SLIT2: variants seen among roughly 807,000 people sequenced by gnomAD.
SLIT2 encodes slit homolog 2 protein.
In SLIT2, 41 loss-of-function variants were observed where a neutral mutation model predicts 185.7. The ratio of observed to expected loss-of-function variants is 0.22; its 90% CI spans 0.17 to 0.29. The LOEUF is 0.29. Among genes scored for constraint, SLIT2 ranks in the 10% least tolerant of loss-of-function variants. SLIT2 has a pLI of 1.00. For synonymous variants in SLIT2, 693 were observed against 680.2 expected (o/e 1.02, Z -0.29); for missense variants, 1,571 against 1,909.0 (o/e 0.82, Z 3.30).
At chr4:20,402,823 C>A (rs1726466785) in intron 4 of SLIT2, among the ~76,000 whole-genome samples, 1 of 151,396 alleles carries the variant, frequency 6.6e-6, no homozygotes, top group South Asian at 2.1e-4. Context: ...TAGTATTAAA[C>A]AACAAAATAT....
At chr4:20,463,448 G>GATAGAT (rs1459962322) in intron 4 of SLIT2, among the ~76,000 whole-genome samples, 87 of 67,286 alleles carry the variant, frequency 1.3e-3, no homozygotes, top group African/African-American at 2.2e-3. Flanking sequence ...CTCAAACTGT[G>GATAGAT]ATATATATAT....
chr4:20,335,204 A>G (rs750464072), intron 4 of SLIT2, among the ~76,000 whole-genome samples: 11 of 152,100 alleles, frequency 7.2e-5, no homozygotes, highest in Non-Finnish European at 1.5e-4. Flanking sequence ...CAGCCAAACC[A>G]TATCAGGGAG....
At chr4:20,378,942 GGAGGGACCT>G (rs1724252069) in intron 4 of SLIT2, among the ~76,000 whole-genome samples, 1 of 152,106 alleles carries the variant, frequency 6.6e-6, no homozygotes, top group African/African-American at 2.4e-5. Context: ...GGAAAGACAT[GGAGGGACCT>G]TAAATGCATA....
chr4:20,592,761 T>C (rs1414124872), intron 30 of SLIT2, among the ~76,000 whole-genome samples: 1 of 152,174 alleles, frequency 6.6e-6, no homozygotes, highest in African/African-American at 2.4e-5. Flanking sequence ...TCGGGCCTTG[T>C]CCATCTCTTT....
chr4:20,567,839 A>T (rs1577940592), intron 28 of SLIT2, among the ~76,000 whole-genome samples: 1 of 152,210 alleles, frequency 6.6e-6, no homozygotes, highest in East Asian at 1.9e-4. Flanking sequence ...CTAATTTACA[A>T]ACATACACAT....
chr4:20,496,808 A>G (rs993693121), intron 9 of SLIT2, among the ~76,000 whole-genome samples: 7 of 152,190 alleles, frequency 4.6e-5, no homozygotes, highest in Non-Finnish European at 8.8e-5. Context: ...TTAAAAATTA[A>G]TCAGACATTT....
At position 20,257,742 on chromosome 4, in the gene SLIT2, A is replaced by T. The variant is rs189285337; in HGVS notation, c.252-126A>T. The T allele has an allele frequency of 2.1e-5, 14 of 668,772 alleles. No individual in the cohort carries two copies. The African/African-American group carries it at 2.2e-4, about 11-fold the overall frequency. The allele number at this position is 668,772 out of a possible 1,614,324, so 41.4% of individuals were successfully genotyped here. A position where few individuals can be genotyped will look rare whatever the true frequency, so the allele number is the denominator to read the frequency against. On this transcript the variant is annotated intron_variant, in intron 2 of 36. Coordinates refer to ENST00000504154, the MANE Select transcript of SLIT2 (RefSeq NM_004787.4). ...ATATTATTATTAAATTTGATATTGG[A>T]TCTCAAATCAGAGCACAATTTAACT... is the stretch of plus-strand genomic sequence containing the variant.
chr4:20,283,085 A>ATG (rs941164455), intron 4 of SLIT2, among the ~76,000 whole-genome samples: 5 of 150,692 alleles, frequency 3.3e-5, no homozygotes, highest in South Asian at 2.1e-4. Flanking sequence ...ATTTGTTTAT[A>ATG]TGTGTGTGTT....
chr4:20,486,237 G>T lies in SLIT2; in HGVS notation c.577G>T (p.Ala193Ser). The change falls in exon 7 of 37, where the codon GCA becomes TCA. Residue 193 changes from alanine to serine, a missense_variant. Physicochemically the swap from Ala to Ser is moderately conservative, Grantham distance 99 (BLOSUM62 1). Transcript: ENST00000504154. ...NNNNITRLSV[A>S]SFNHMPKLRT... ...TAACAACATTACTAGACTTTCTGTG[G>T]CAAGTTTCAACCATATGCCTAAACT... 6.2e-7 allele frequency: 1 copy of T among 1,605,438 alleles called. No individual in the cohort carries two copies. The highest frequency in any genetic ancestry group is 8.5e-7 in the Non-Finnish European group (1 of 1,172,578).
intron 9 of SLIT2, among the ~76,000 whole-genome samples, chr4:20,494,651 T>C (rs1718068116): frequency 6.6e-6 from 1 of 151,800 alleles, no homozygotes; most frequent in Non-Finnish European, 1.5e-5. Context: ...TGGTCGTGGA[T>C]GCCTGTAGTC....
chr4:20,295,699 T>A (rs1183295306), intron 4 of SLIT2, among the ~76,000 whole-genome samples: 37 of 152,200 alleles, frequency 2.4e-4, no homozygotes, highest in Admixed American at 2.4e-3. Flanking sequence ...TTTCAGGATT[T>A]CAAGGAAATA....
chr4:20,374,054 T>G (rs1398320158), intron 4 of SLIT2, among the ~76,000 whole-genome samples: 1 of 152,128 alleles, frequency 6.6e-6, no homozygotes, highest in African/African-American at 2.4e-5. Context: ...GTGTGAATCT[T>G]GGCTCAGCCA....
At chr4:20,343,486 T>A (rs990778760) in intron 4 of SLIT2, among the ~76,000 whole-genome samples, 2 of 152,226 alleles carry the variant, frequency 1.3e-5, no homozygotes, top group East Asian at 3.9e-4. Flanking sequence ...TTGCTGATAA[T>A]CACTTAGATC....
intron 4 of SLIT2, among the ~76,000 whole-genome samples, chr4:20,430,962 C>T (rs754419742): frequency 5.9e-5 from 9 of 152,166 alleles, no homozygotes; most frequent in Non-Finnish European, 1.3e-4. Context: ...CCAGAAGAAA[C>T]CCAACTTTCT....
At chr4:20,411,236 G>A (rs1013432746) in intron 4 of SLIT2, among the ~76,000 whole-genome samples, 2 of 152,100 alleles carry the variant, frequency 1.3e-5, no homozygotes, top group Admixed American at 6.6e-5. Flanking sequence ...ACAGCTTGTC[G>A]AGGCACCACA....
At chr4:20,306,313 A>T (rs1717543599) in intron 4 of SLIT2, among the ~76,000 whole-genome samples, 3 of 152,200 alleles carry the variant, frequency 2.0e-5, no homozygotes, top group African/African-American at 7.2e-5. Context: ...TCCTGTTTTC[A>T]TGATCCTGCA....
chr4:20,476,544 C>T (rs1484574344), intron 5 of SLIT2, among the ~76,000 whole-genome samples: 1 of 152,078 alleles, frequency 6.6e-6, no homozygotes, highest in Non-Finnish European at 1.5e-5. Context: ...TCCAGATTGA[C>T]TTAGAAATTA....
intron 4 of SLIT2, among the ~76,000 whole-genome samples, chr4:20,348,756 A>G (rs1412476974): frequency 1.3e-5 from 2 of 152,186 alleles, no homozygotes; most frequent in Admixed American, 1.3e-4. Context: ...AGTCTTAAAT[A>G]TCCTGTGTTG....
Position 20,595,841 on chromosome 4 carries a change from GC to G in SLIT2, c.3320+8del, listed in dbSNP as rs747921518. On this transcript the variant is annotated splice_region_variant and intron_variant, in intron 31 of 36. Coordinates refer to ENST00000504154, the MANE Select transcript of SLIT2 (RefSeq NM_004787.4). ...TATGCCCCGAAGGTTACAGGTAAAAGCAGAAATGAATAAGACCTAGTGTTCA... is the reference window on the plus strand; with the variant it reads ...TATGCCCCGAAGGTTACAGGTAAAAGAGAAATGAATAAGACCTAGTGTTCA... 6.2e-7 allele frequency: 1 copy of G among 1,612,700 alleles called. No homozygotes were observed.
Sources: allele counts gnomAD v4.1 joint callset (sites outside exome capture counted in the v4.1 genomes callset), GRCh38; gene constraint gnomAD v4.1.1; transcripts MANE v1.5; gene names NCBI Gene and HGNC (gene_info 2026-07-23, HGNC 2026-07-21).